Variants in SDK2 observed in about 807,000 individuals in gnomAD.
SDK2 encodes the protein sidekick cell adhesion molecule 2, also known as protein sidekick-2.
SDK2 carries 105 observed loss-of-function variants against 253.9 expected under a neutral mutation model. The observed-to-expected ratio is 0.41, with a 90% CI of 0.35 to 0.49. SDK2 has a LOEUF of 0.49. SDK2 is among the 20% of genes least tolerant of loss of function. The probability of loss-of-function intolerance (pLI) is 0.06; values close to 1 mark genes in which losing one functional copy is unlikely to be tolerated. For missense variants in SDK2, 2,608 were observed against 3,003.0 expected (o/e 0.87, Z 3.07); for synonymous variants, 1,249 against 1,234.9 (o/e 1.01, Z -0.24).
intron 36 of SDK2, 89 bp from the exon 37 acceptor site, chr17:73,368,682 T>C (rs1477600281): frequency 2.6e-6 from 3 of 1,146,994 alleles, no homozygotes; most frequent in Non-Finnish European, 3.6e-6. Context: ...CAGAGACACC[T>C]TCATTGCTGT....
intron 1 of SDK2, among the ~76,000 whole-genome samples, chr17:73,527,503 T>C (rs2064135342): frequency 6.6e-6 from 1 of 152,126 alleles, no homozygotes; most frequent in Non-Finnish European, 1.5e-5. Flanking sequence ...GGGACTCCTA[T>C]GGTTGGAGTC....
chr17:73,338,397 C>T lies in SDK2; in HGVS notation c.*190G>A. ...AAGCTGAAGAGCTGCTGGCCACACA[C>T]ATCCTCTCACGGTTTTCTCCCTCCT... On this transcript the variant is annotated 3_prime_UTR_variant, in exon 45 of 45. Transcript: ENST00000392650. This position sits in a 1 kb window ranked among gnomAD's most constrained non-coding sequence, Gnocchi z 5.0. 1 of 696,812 alleles carries T rather than the reference C, an allele frequency of 1.4e-6. No homozygotes were observed. Among genetic ancestry groups the T allele is most frequent in the Non-Finnish European group, 2.6e-6 (1 of 381,594 alleles). 43.2% of individuals were successfully genotyped at this position (696,812 alleles called of 1,614,324 possible). A position where few individuals can be genotyped will look rare whatever the true frequency, so the allele number is the denominator to read the frequency against.
intron 1 of SDK2, among the ~76,000 whole-genome samples, chr17:73,539,623 GC>G (rs1329885035): frequency 6.6e-6 from 1 of 152,226 alleles, no homozygotes; most frequent in Non-Finnish European, 1.5e-5. Flanking sequence ...GGCAGCAAGA[GC>G]TTTGTTATGG....
At chr17:73,503,985 G>A (rs2063910579) in intron 2 of SDK2, among the ~76,000 whole-genome samples, 1 of 152,206 alleles carries the variant, frequency 6.6e-6, no homozygotes, top group South Asian at 2.1e-4. Context: ...GAGCGACTTG[G>A]AGGAAAGAGG....
chr17:73,349,730 G>C (rs2062517795), intron 43 of SDK2, among the ~76,000 whole-genome samples: 1 of 152,190 alleles, frequency 6.6e-6, no homozygotes, highest in African/African-American at 2.4e-5. Flanking sequence ...TATAAATAAG[G>C]ACCTGGGGGA....
At chr17:73,500,601 CCTT>C (rs2063882679) in intron 2 of SDK2, among the ~76,000 whole-genome samples, 1 of 148,222 alleles carries the variant, frequency 6.7e-6, no homozygotes, top group South Asian at 2.1e-4. Flanking sequence ...TGTCCATCCT[CCTT>C]CTATCTCCTC....
At chr17:73,397,113 T>G (rs111432885) in intron 24 of SDK2, among the ~76,000 whole-genome samples, 6,605 of 152,334 alleles carry the variant, frequency 0.043, 185 homozygotes, top group Middle Eastern at 0.1. Context: ...TGTGGTCAGA[T>G]GGGCCTGGGG....
intron 36 of SDK2, among the ~76,000 whole-genome samples, chr17:73,372,542 T>C (rs910096340): frequency 1.3e-5 from 2 of 152,166 alleles, no homozygotes; most frequent in African/African-American, 4.8e-5. Context: ...TGCCCTTTCA[T>C]TTCTTTTTTC....
chr17:73,476,291 C>G (rs1203004512), intron 2 of SDK2, among the ~76,000 whole-genome samples: 1 of 152,150 alleles, frequency 6.6e-6, no homozygotes, highest in African/African-American at 2.4e-5. Context: ...ACACTTATAA[C>G]CACACAAACA....
chr17:73,361,161 A>G lies in SDK2; in HGVS notation c.5467+523T>C, dbSNP rs2145420865. Among the ~76,000 whole-genome samples the G allele has an allele frequency of 6.6e-6, 1 of 152,132 alleles. No homozygotes were observed. Among genetic ancestry groups the G allele is most frequent in the African/African-American group, 2.4e-5 (1 of 41,500 alleles). Reference sequence around the variant, plus strand: ...CACGGCCTCCAGGGGCTTTTGTCTAAGTGCAGACTGCCAGGTCCCACCTCA... The same window carrying G: ...CACGGCCTCCAGGGGCTTTTGTCTAGGTGCAGACTGCCAGGTCCCACCTCA... On this transcript the variant is annotated intron_variant, in intron 39 of 44. Transcript: ENST00000392650. The surrounding 1 kb of genome is among the most constrained non-coding windows in gnomAD (Gnocchi z 4.1).
chr17:73,368,542 G>C lies in SDK2; in HGVS notation c.5032C>G (p.Leu1678Val), dbSNP rs1207204015. The change falls in exon 37 of 45, where the codon CTT (leucine) becomes GTT (valine). Residue 1678 changes from leucine (L) to valine (V), a missense_variant. Around this residue, in one of 2 missense-constraint regions of SDK2, gnomAD observed 1,103 missense variants for 1,143.9 expected, o/e 0.96. Coordinates refer to ENST00000392650, the MANE Select transcript of SDK2 (RefSeq NM_001144952.2). Reference sequence around the variant, plus strand: ...TTCACGCTGTTCTCAGCCAGGAAAAGCGTCTTCACTCGCTCTGTGAGGTTC... The same window carrying C: ...TTCACGCTGTTCTCAGCCAGGAAAACCGTCTTCACTCGCTCTGTGAGGTTC... ...RGNLTERVKT[L>V]FLAENSVKLK... 1 of 1,608,682 alleles carries C rather than the reference G, an allele frequency of 6.2e-7. No homozygotes were observed. The highest frequency in any genetic ancestry group is 8.5e-7 in the Non-Finnish European group (1 of 1,177,848).
Position 73,365,371 on chromosome 17 carries a change from T to C in SDK2, c.5192A>G (p.Lys1731Arg), listed in dbSNP as rs1225583102. The change falls in exon 38 of 45, where the codon AAG becomes AGG. Residue 1731 changes from lysine (K) to arginine (R), a missense_variant. Physicochemically the swap from Lys to Arg is conservative, Grantham distance 26. This residue lies in a region of SDK2 where 1,103 missense variants were observed against 1,143.9 expected (regional missense o/e 0.96). Transcript: ENST00000392650. The stretch of plus-strand genomic sequence containing the variant: ...TGAGGTTGTGGTCAGCTCACTGAAC[T>C]TGACCGAGCTGGGAGCGCTGGGGGC... ...QAAPSAPSSV[K>R]FSELTTTSVN... is the part of the protein sequence containing the mutation. 2.2e-5 allele frequency: 35 copies of C among 1,611,024 alleles called. No homozygotes were observed. The highest frequency in any genetic ancestry group is 2.7e-5 in the Non-Finnish European group (32 of 1,178,848).
intron 2 of SDK2, among the ~76,000 whole-genome samples, chr17:73,502,469 A>G (rs192929399): frequency 1.4e-4 from 21 of 152,336 alleles, no homozygotes; most frequent in Admixed American, 6.5e-4. Flanking sequence ...AATGTTCAGA[A>G]TCTAATGGGG....
At chr17:73,451,055 G>C (rs561103996) in intron 4 of SDK2, among the ~76,000 whole-genome samples, 1 of 152,362 alleles carries the variant, frequency 6.6e-6, no homozygotes, top group South Asian at 2.1e-4. Context: ...GGCTGAACTA[G>C]TGGGATATGG....
At chr17:73,423,882 C>T (rs370499803) in intron 13 of SDK2, 34 bp downstream of exon 13, 116 of 1,507,140 alleles carry the variant, frequency 7.7e-5, no homozygotes, top group South Asian at 3.1e-4. Context: ...TTGCCTGGAC[C>T]GCCTCTGCCG....
Position 73,425,217 on chromosome 17 carries a change from C to A in SDK2, c.1584-1125G>T, listed in dbSNP as rs2063271115. Reference sequence around the variant, plus strand: ...CCTGGGCGACACAGCAAAACTCCATCTCAAAAACACACAAAAAGCCCCCCC... The same window carrying A: ...CCTGGGCGACACAGCAAAACTCCATATCAAAAACACACAAAAAGCCCCCCC... On this transcript the variant is annotated intron_variant, in intron 12 of 44. Transcript: ENST00000392650. Among the ~76,000 whole-genome samples the A allele has an allele frequency of 2.0e-5, 3 of 151,958 alleles. No homozygotes were observed. The South Asian group carries it at 6.2e-4, about 31-fold the overall frequency.
rs1311969873 is a variant in SDK2, at chr17:73,336,610, T to C, written c.*1977A>G. 6.5e-6 allele frequency: 1 copy of C among 152,672 alleles called. No homozygotes were observed. The highest frequency in any genetic ancestry group is 1.5e-5 in the Non-Finnish European group (1 of 68,074). 9.5% of individuals were successfully genotyped at this position (152,672 alleles called of 1,614,324 possible). ...TTTGGGCCCCAGACCCTGACTTCCC[T>C]TCCCGGTCACCATTAGCACAGTGAC... On this transcript the variant is annotated 3_prime_UTR_variant, in exon 45 of 45. Coordinates refer to ENST00000392650, the MANE Select transcript of SDK2 (RefSeq NM_001144952.2).
intron 1 of SDK2, among the ~76,000 whole-genome samples, chr17:73,638,897 C>T (rs990268878): frequency 1.3e-5 from 2 of 151,386 alleles, no homozygotes; most frequent in East Asian, 2.0e-4. Flanking sequence ...GCCACCTCCG[C>T]CTCCCAGGTT....
At chr17:73,469,987 C>T (rs543512242) in intron 3 of SDK2, among the ~76,000 whole-genome samples, 173 of 116,046 alleles carry the variant, frequency 1.5e-3, no homozygotes, top group Non-Finnish European at 5.6e-4. Context: ...CGACTGCGCG[C>T]GCGCGCACAC....
Sources: gnomAD v4.1 joint callset for allele counts (sites outside exome capture counted in the v4.1 genomes callset) on GRCh38, gnomAD v4.1.1 for gene constraint, gnomAD v4.1.1 regional missense constraint, Gnocchi (gnomAD v3.1) non-coding constraint, MANE v1.5 for transcripts, NCBI Gene and HGNC (gene_info 2026-07-23, HGNC 2026-07-21) for gene names.